MYO5B: variants seen among roughly 807,000 people sequenced by gnomAD.
The protein encoded by MYO5B is unconventional myosin-Vb.
A neutral mutation model predicts 229.3 loss-of-function variants in MYO5B; 143 were observed. The ratio of observed to expected loss-of-function variants is 0.62; its 90% CI spans 0.54 to 0.72. The LOEUF (loss-of-function observed/expected upper bound fraction) is 0.72, where lower values mean the gene tolerates loss of function less well. MYO5B is among the 30% of genes least tolerant of loss of function. The pLI, the probability that MYO5B is intolerant of heterozygous loss-of-function variation, is 0.00. For missense variants in MYO5B, 2,321 were observed against 2,331.0 expected (o/e 1.00, Z 0.09); for synonymous variants, 918 against 885.2 (o/e 1.04, Z -0.66).
At chr18:49,947,537 A>T (rs2025388146) in intron 14 of MYO5B, among the ~76,000 whole-genome samples, 1 of 152,198 alleles carries the variant, frequency 6.6e-6, no homozygotes, top group African/African-American at 2.4e-5. Context: ...TAGTTTTGAC[A>T]TATATAGTGT....
intron 22 of MYO5B, among the ~76,000 whole-genome samples, chr18:49,881,730 G>A (rs1485786033): frequency 2.0e-5 from 3 of 150,490 alleles, no homozygotes; most frequent in Admixed American, 6.6e-5. Flanking sequence ...TGAACTCCAG[G>A]AAGAAGAGCT....
intron 1 of MYO5B, among the ~76,000 whole-genome samples, chr18:50,166,790 A>C (rs1401684621): frequency 6.6e-6 from 1 of 152,180 alleles, no homozygotes; most frequent in Non-Finnish European, 1.5e-5. Flanking sequence ...AACACAATGC[A>C]TGATTGAGAA....
intron 1 of MYO5B, among the ~76,000 whole-genome samples, chr18:50,085,928 G>C (rs560640118): frequency 3.9e-5 from 6 of 152,090 alleles, no homozygotes; most frequent in African/African-American, 1.4e-4. Flanking sequence ...GGTGGGGAGA[G>C]GGGGGAGGGA....
chr18:50,077,526 C>CACACAA (rs2031117398), intron 1 of MYO5B, among the ~76,000 whole-genome samples: 1 of 146,410 alleles, frequency 6.8e-6, no homozygotes, highest in Non-Finnish European at 1.5e-5. Flanking sequence ...CACACACACA[C>CACACAA]ACACACACAC....
At chr18:50,161,989 T>C (rs1483461746) in intron 1 of MYO5B, among the ~76,000 whole-genome samples, 2 of 152,244 alleles carry the variant, frequency 1.3e-5, no homozygotes, top group East Asian at 3.8e-4. Context: ...GCATCCACTT[T>C]TTTGTTCATG....
intron 4 of MYO5B, among the ~76,000 whole-genome samples, chr18:50,024,632 G>A (rs902747824): frequency 2.6e-5 from 4 of 152,052 alleles, no homozygotes; most frequent in Non-Finnish European, 1.5e-5. Flanking sequence ...CAACATTATC[G>A]ATCTGTAATA....
At chr18:49,909,225 G>A (rs1195041490) in intron 18 of MYO5B, among the ~76,000 whole-genome samples, 1 of 152,186 alleles carries the variant, frequency 6.6e-6, no homozygotes, top group African/African-American at 2.4e-5. Context: ...GTCCAGATGT[G>A]GCCCAAGAAG....
chr18:49,830,145 C>CCACACACACACACACACA (rs57718809), intron 39 of MYO5B, among the ~76,000 whole-genome samples: 4 of 150,014 alleles, frequency 2.7e-5, no homozygotes, highest in African/African-American at 7.4e-5. Flanking sequence ...CTGAAAGAAT[C>CCACACACACACACACACA]CACACACACA....
chr18:49,907,405 T>C (rs968442942), intron 18 of MYO5B, among the ~76,000 whole-genome samples: 5 of 152,182 alleles, frequency 3.3e-5, no homozygotes, highest in Non-Finnish European at 5.9e-5. Flanking sequence ...ATTACATCCA[T>C]TAGGTTAAAA....
chr18:49,849,440 T>C (rs1421868896), intron 32 of MYO5B, 127 bp downstream of exon 32: 1 of 802,480 alleles, frequency 1.2e-6, no homozygotes, highest in African/African-American at 1.7e-5. Context: ...CTGGCTGGAC[T>C]GGGCAGAGCC....
At chr18:50,084,801 C>G (rs530872162) in intron 1 of MYO5B, among the ~76,000 whole-genome samples, 1 of 152,254 alleles carries the variant, frequency 6.6e-6, no homozygotes, top group African/African-American at 2.4e-5. Flanking sequence ...CTGAGAAAAA[C>G]AAGCAATGGG....
At chr18:50,033,839 G>A (rs2026417842) in intron 4 of MYO5B, among the ~76,000 whole-genome samples, 1 of 150,548 alleles carries the variant, frequency 6.6e-6, no homozygotes, top group Non-Finnish European at 1.5e-5. Flanking sequence ...TAGGCACAGT[G>A]AACAAATCCT....
intron 4 of MYO5B, among the ~76,000 whole-genome samples, chr18:50,031,033 C>T (rs776787399): frequency 3.3e-5 from 5 of 152,114 alleles, no homozygotes; most frequent in Non-Finnish European, 7.4e-5. Context: ...AAAGATCTAT[C>T]CCTTTTGCCC....
At chr18:50,041,514 T>G (rs2030014165) in intron 2 of MYO5B, among the ~76,000 whole-genome samples, 1 of 152,114 alleles carries the variant, frequency 6.6e-6, no homozygotes, top group East Asian at 1.9e-4. Context: ...ACAGAAAAAT[T>G]GTATGTTATA....
chr18:50,126,401 T>C (rs1295177476), intron 1 of MYO5B: 2 of 154,724 alleles, frequency 1.3e-5, no homozygotes, highest in South Asian at 2.0e-4. Flanking sequence ...GGGAGACACA[T>C]CAACCATCTT....
chr18:49,881,068 T>A lies in MYO5B; in HGVS notation c.3046-613A>T, dbSNP rs141921875. On this transcript the variant is annotated intron_variant, in intron 22 of 39. Coordinates refer to ENST00000285039, the MANE Select transcript of MYO5B (RefSeq NM_001080467.3). Reference sequence around the variant, plus strand: ...GAAGGGAGCTAAAAGCTCAGGGCCCTTGTTTACTGGAAGCAAGGAGCCCCC... The same window carrying A: ...GAAGGGAGCTAAAAGCTCAGGGCCCATGTTTACTGGAAGCAAGGAGCCCCC... 6.8e-3 allele frequency among the ~76,000 whole-genome samples: 1,041 copies of A among 152,324 alleles called. 16 individuals carry two copies. Among genetic ancestry groups the A allele is most frequent in the Middle Eastern group, 0.024 (7 of 292 alleles).
intron 14 of MYO5B, among the ~76,000 whole-genome samples, chr18:49,945,764 G>GGAGGGGAGGAGGA (rs1568041753): frequency 2.8e-4 from 18 of 64,660 alleles, no homozygotes; most frequent in African/African-American, 5.8e-4. Flanking sequence ...GGGAGGAGGA[G>GGAGGGGAGGAGGA]GAGGAGGAGA....
At chr18:49,852,629 C>A (rs910469059) in intron 31 of MYO5B, among the ~76,000 whole-genome samples, 5 of 152,106 alleles carry the variant, frequency 3.3e-5, no homozygotes, top group Admixed American at 2.6e-4. Context: ...TCTACAGGCA[C>A]GTTCAGCTCC....
chr18:50,127,273 C>A lies in MYO5B; in HGVS notation c.27+67494G>T, dbSNP rs140477591. Reference sequence around the variant, plus strand: ...TATTATATACCAGATACTGGCCATCCTTTCTTCTAGTGCCTGTAGGAACCA... The same window carrying A: ...TATTATATACCAGATACTGGCCATCATTTCTTCTAGTGCCTGTAGGAACCA... On this transcript the variant is annotated intron_variant, in intron 1 of 39. Transcript: ENST00000285039. Among the ~76,000 whole-genome samples the A allele has an allele frequency of 7.9e-4, 120 of 152,320 alleles. 1 individual carries two copies. The highest frequency in any genetic ancestry group is 6.8e-3 in the South Asian group (33 of 4,824).
Sources: gnomAD v4.1 joint callset for allele counts (sites outside exome capture counted in the v4.1 genomes callset) on GRCh38, gnomAD v4.1.1 for gene constraint, MANE v1.5 for transcripts, NCBI Gene and HGNC (gene_info 2026-07-23, HGNC 2026-07-21) for gene names.